Variants in LTBP1 observed in about 807,000 individuals in gnomAD.
LTBP1 encodes latent transforming growth factor beta binding protein 1.
In LTBP1, 129 loss-of-function variants were observed where a neutral mutation model predicts 207.6. The observed-to-expected ratio is 0.62, with a 90% CI of 0.54 to 0.72. The LOEUF is 0.72. Ranked by LOEUF, LTBP1 falls within the 30% of genes least tolerant of loss-of-function variation. LTBP1 has a pLI of 0.00. For synonymous variants in LTBP1, 963 were observed against 833.7 expected (o/e 1.16, Z -2.67); for missense variants, 2,281 against 2,217.2 (o/e 1.03, Z -0.58).
Position 33,134,034 on chromosome 2 carries a change from G to C in LTBP1, c.1034-759G>C, listed in dbSNP as rs553118074. On this transcript the variant is annotated intron_variant, in intron 4 of 33. Transcript: ENST00000404816. This position sits in a 1 kb window ranked among gnomAD's most constrained non-coding sequence, Gnocchi z 4.4. ...TCCATCCCCAGTGGCTACTCCAGGT[G>C]GTCTATGAATAGAGACAGTGAGAGC... Among the ~76,000 whole-genome samples the C allele has an allele frequency of 1.4e-4, 22 of 152,280 alleles. No individual in the cohort carries two copies. Among genetic ancestry groups the C allele is most frequent in the Non-Finnish European group, 2.9e-4 (20 of 68,020 alleles).
chr2:33,249,403 G>A (rs755952679), intron 10 of LTBP1, among the ~76,000 whole-genome samples: 2 of 150,696 alleles, frequency 1.3e-5, no homozygotes, highest in Non-Finnish European at 3.0e-5. Context: ...TAATACATTA[G>A]AGTAGTATGT....
chr2:33,321,117 C>T (rs558844073), intron 24 of LTBP1, among the ~76,000 whole-genome samples: 3 of 151,942 alleles, frequency 2.0e-5, no homozygotes, highest in Non-Finnish European at 4.4e-5. Context: ...AGCTTCTCCT[C>T]CTAGTTTTCA....
At chr2:32,994,517 A>G (rs1316970893) in intron 2 of LTBP1, among the ~76,000 whole-genome samples, 1 of 150,586 alleles carries the variant, frequency 6.6e-6, no homozygotes, top group East Asian at 2.0e-4. Context: ...CCCAGGCTGG[A>G]GTGCAGTGGT....
At chr2:33,010,522 G>A (rs1381054982) in intron 2 of LTBP1, among the ~76,000 whole-genome samples, 2 of 152,078 alleles carry the variant, frequency 1.3e-5, no homozygotes, top group African/African-American at 4.8e-5. Context: ...GAGAGGACTT[G>A]AAATGTTCCC....
At position 33,304,778 on chromosome 2, in the gene LTBP1, C is replaced by T. The variant is rs185909135; in HGVS notation, c.3481+3134C>T. Among the ~76,000 whole-genome samples the T allele has an allele frequency of 1.0e-3, 152 of 152,332 alleles. 1 individual carries two copies. Among genetic ancestry groups the T allele is most frequent in the Admixed American group, 4.1e-3 (62 of 15,302 alleles). Reference sequence around the variant, plus strand: ...ATGACTCATTACTTACAATGTCTTTCCCTTTCCCTCTGTGCCCTTTGCTCT... The same window carrying T: ...ATGACTCATTACTTACAATGTCTTTTCCTTTCCCTCTGTGCCCTTTGCTCT... On this transcript the variant is annotated intron_variant, in intron 22 of 33. Transcript: ENST00000404816.
intron 3 of LTBP1, among the ~76,000 whole-genome samples, chr2:33,092,900 T>G (rs1373804119): frequency 6.6e-6 from 1 of 152,206 alleles, no homozygotes; most frequent in Non-Finnish European, 1.5e-5. Flanking sequence ...ATTTTGTTCT[T>G]TATTATACAA....
intron 2 of LTBP1, among the ~76,000 whole-genome samples, chr2:33,019,108 T>G (rs1395613664): frequency 6.6e-6 from 1 of 152,186 alleles, no homozygotes; most frequent in Non-Finnish European, 1.5e-5. Context: ...TTTGCTTGTC[T>G]ATTTTGTAAT....
chr2:33,074,437 T>TA (rs2077966468), intron 3 of LTBP1, among the ~76,000 whole-genome samples: 1 of 152,066 alleles, frequency 6.6e-6, no homozygotes, highest in Non-Finnish European at 1.5e-5. Flanking sequence ...ATACCTGCCT[T>TA]AAGAAGGGTC....
chr2:33,364,429 C>A (rs1422134359), intron 30 of LTBP1, 73 bp downstream of exon 30: 3 of 1,440,816 alleles, frequency 2.1e-6, no homozygotes, highest in Non-Finnish European at 1.9e-6. Flanking sequence ...AAAATGTGAA[C>A]TATTGGAAAA....
intron 5 of LTBP1, among the ~76,000 whole-genome samples, chr2:33,158,472 G>C (rs1411027948): frequency 6.6e-6 from 1 of 152,096 alleles, no homozygotes; most frequent in Non-Finnish European, 1.5e-5. Context: ...CCACTTTTTG[G>C]AATTAATCTA....
intron 11 of LTBP1, among the ~76,000 whole-genome samples, chr2:33,254,860 T>TG (rs2092798164): frequency 4.0e-5 from 4 of 99,360 alleles, no homozygotes; most frequent in Non-Finnish European, 7.8e-5. Context: ...TGGTTTTTTT[T>TG]TTTTTTTTTT....
In LTBP1 at chr2:33,342,038, A is replaced by G. The variant is rs2094632994; in HGVS notation, c.3731-800A>G. ...GGTGGTATAGATGTGGCAGTGCCCA[A>G]GGAGAACGGGAAGGAAAGAACGGAG... is the stretch of plus-strand genomic sequence containing the variant. On this transcript the variant is annotated intron_variant, in intron 24 of 33. Transcript: ENST00000404816. 5.3e-5 allele frequency among the ~76,000 whole-genome samples: 8 copies of G among 152,198 alleles called. No individual in the cohort carries two copies. In the South Asian group the frequency reaches 1.7e-3, roughly 31 times the overall value.
At chr2:33,256,446 G>A (rs6723130) in intron 11 of LTBP1, among the ~76,000 whole-genome samples, 8,335 of 151,804 alleles carry the variant, frequency 0.055, 767 homozygotes, top group African/African-American at 0.19. Context: ...AAACTGTGAG[G>A]ATTTCGGCAT....
At chr2:32,991,961 G>A (rs2148863831) in intron 2 of LTBP1, among the ~76,000 whole-genome samples, 1 of 152,206 alleles carries the variant, frequency 6.6e-6, no homozygotes. Flanking sequence ...GGTATTATTG[G>A]TCTCCACTTG....
chr2:33,315,147 T>G lies in LTBP1; in HGVS notation c.3608T>G (p.Ile1203Ser). ...AAGACTCTATTTTAAATTACAGATA[T>G]TAATGAATGTGAACATCCAGGGCTC... ...QLDDNKTCQD[I>S]NECEHPGLCG... Residue 1203 changes from isoleucine (I) to serine (S), a missense_variant, in exon 24 of 34, where the codon ATT (isoleucine) becomes AGT (serine). By Grantham distance (142) the Ile-to-Ser change is moderately radical. Coordinates refer to ENST00000404816, the MANE Select transcript of LTBP1 (RefSeq NM_206943.4). 1.9e-6 allele frequency: 3 copies of G among 1,597,268 alleles called. No homozygotes were observed. Among genetic ancestry groups the G allele is most frequent in the Non-Finnish European group, 2.6e-6 (3 of 1,176,168 alleles).
At chr2:33,080,169 G>T (rs2078313476) in intron 3 of LTBP1, among the ~76,000 whole-genome samples, 1 of 152,114 alleles carries the variant, frequency 6.6e-6, no homozygotes, top group Non-Finnish European at 1.5e-5. Context: ...TGGGCTTACA[G>T]GTGTGTGCCA....
intron 3 of LTBP1, among the ~76,000 whole-genome samples, chr2:33,063,842 T>G (rs1318211699): frequency 6.9e-6 from 1 of 145,238 alleles, no homozygotes. Flanking sequence ...TATTTCTAAG[T>G]ATTGTATATT....
At chr2:33,223,204 A>G (rs1484708627) in intron 9 of LTBP1, among the ~76,000 whole-genome samples, 2 of 152,336 alleles carry the variant, frequency 1.3e-5, no homozygotes, top group African/African-American at 4.8e-5. Context: ...CTATCACCCT[A>G]TTCAAATGGC....
intron 7 of LTBP1, among the ~76,000 whole-genome samples, chr2:33,211,404 C>G (rs1241773261): frequency 1.3e-5 from 2 of 152,216 alleles, no homozygotes; most frequent in Non-Finnish European, 1.5e-5. Flanking sequence ...TACAGCTGCC[C>G]TTTTCTAATC....
Sources: allele counts gnomAD v4.1 joint callset (sites outside exome capture counted in the v4.1 genomes callset), GRCh38; gene constraint gnomAD v4.1.1; non-coding constraint Gnocchi (gnomAD v3.1); transcripts MANE v1.5; gene names NCBI Gene and HGNC (gene_info 2026-07-23, HGNC 2026-07-21).